The following DCC variants were observed in gnomAD, a reference collection of about 807,000 sequenced individuals.
DCC encodes the protein netrin receptor DCC.
A neutral mutation model predicts 172.5 loss-of-function variants in DCC; 58 were observed. The ratio of observed to expected loss-of-function variants is 0.34; its 90% CI spans 0.27 to 0.42. The LOEUF (loss-of-function observed/expected upper bound fraction) is 0.42, where lower values mean the gene tolerates loss of function less well. Among genes scored for constraint, DCC ranks in the 10% least tolerant of loss-of-function variants. The pLI, the probability that DCC is intolerant of heterozygous loss-of-function variation, is 1.00. For missense variants in DCC, 1,740 were observed against 1,791.0 expected (o/e 0.97, Z 0.51); for synonymous variants, 709 against 644.5 (o/e 1.10, Z -1.52).
chr18:53,430,690 G>A (rs1046644481), intron 21 of DCC, among the ~76,000 whole-genome samples: 2 of 152,032 alleles, frequency 1.3e-5, no homozygotes, highest in South Asian at 4.1e-4. Flanking sequence ...TTGCATAATA[G>A]TAATAACTTA....
Position 53,533,630 on chromosome 18 carries a change from A to C in DCC, c.*2977A>C, listed in dbSNP as rs1205394012. The C allele has an allele frequency of 6.6e-6, 1 of 152,218 alleles. No homozygotes were observed. Among genetic ancestry groups the C allele is most frequent in the Non-Finnish European group, 1.5e-5 (1 of 68,034 alleles). The allele number at this position is 152,218 out of a possible 1,614,324, so 9.4% of individuals were successfully genotyped here. The stretch of plus-strand genomic sequence containing the variant: ...TGGATGATGCTCTAGCCAAAAGTTA[A>C]ATATTTCGTAGTGAATCATAGCCAA... On this transcript the variant is annotated 3_prime_UTR_variant, in exon 29 of 29. Transcript: ENST00000442544.
chr18:53,048,742 C>A (rs892400804), intron 5 of DCC, among the ~76,000 whole-genome samples: 8 of 151,510 alleles, frequency 5.3e-5, no homozygotes, highest in African/African-American at 1.9e-4. Context: ...AACGGCAATT[C>A]TCTTTTCAGC....
intron 1 of DCC, among the ~76,000 whole-genome samples, chr18:52,487,831 A>G (rs1598857013): frequency 6.7e-6 from 1 of 150,098 alleles, no homozygotes; most frequent in East Asian, 1.9e-4. Context: ...AAAAAAAAAA[A>G]AAAAATTGGA....
intron 1 of DCC, among the ~76,000 whole-genome samples, chr18:52,485,080 T>C (rs1237859638): frequency 2.0e-5 from 3 of 152,154 alleles, no homozygotes; most frequent in Admixed American, 6.6e-5. Context: ...ACCTACATGA[T>C]GACTGCTGAT....
intron 2 of DCC, among the ~76,000 whole-genome samples, chr18:52,842,984 G>A (rs1463012255): frequency 6.6e-6 from 1 of 152,132 alleles, no homozygotes; most frequent in African/African-American, 2.4e-5. Flanking sequence ...TACTAATTTA[G>A]GTGCTTTTTA....
At chr18:52,877,852 C>T (rs1376394293) in intron 2 of DCC, among the ~76,000 whole-genome samples, 3 of 151,968 alleles carry the variant, frequency 2.0e-5, no homozygotes, top group African/African-American at 7.3e-5. Flanking sequence ...ATTTTATCTA[C>T]GTATGAATCT....
At chr18:52,589,967 A>AT (rs2033761083) in intron 1 of DCC, among the ~76,000 whole-genome samples, 1 of 152,174 alleles carries the variant, frequency 6.6e-6, no homozygotes, top group East Asian at 1.9e-4. Flanking sequence ...TCAAGTTTAC[A>AT]TTTTTGCATT....
intron 13 of DCC, among the ~76,000 whole-genome samples, chr18:53,307,654 G>C (rs546831831): frequency 1.3e-5 from 2 of 151,522 alleles, no homozygotes; most frequent in Admixed American, 1.3e-4. Flanking sequence ...CTAATGATTG[G>C]ATGTTCAATT....
At chr18:53,223,789 C>T (rs2055979356) in intron 12 of DCC, among the ~76,000 whole-genome samples, 1 of 152,116 alleles carries the variant, frequency 6.6e-6, no homozygotes, top group Non-Finnish European at 1.5e-5. Flanking sequence ...AAAATGCAAG[C>T]ACTTTATTGA....
rs1004275664 is a variant in DCC, at chr18:52,340,407, C to A, written c.-381C>A. The A allele has an allele frequency of 5.5e-5, 16 of 292,394 alleles. No homozygotes were observed. Among genetic ancestry groups the A allele is most frequent in the African/African-American group, 3.2e-4 (15 of 46,854 alleles). 18.1% of individuals were successfully genotyped at this position (292,394 alleles called of 1,614,324 possible). A position where few individuals can be genotyped will look rare whatever the true frequency, so the allele number is the denominator to read the frequency against. ...CACAGCCCGGCCACAGGATTGCCTTCCATCTCCTCTTGGTCCCTCCTGGAT... is the reference window on the plus strand; with the variant it reads ...CACAGCCCGGCCACAGGATTGCCTTACATCTCCTCTTGGTCCCTCCTGGAT... On this transcript the variant is annotated 5_prime_UTR_variant, in exon 1 of 29. Coordinates refer to ENST00000442544, the MANE Select transcript of DCC (RefSeq NM_005215.4).
At chr18:53,157,163 A>G (rs956648417) in intron 7 of DCC, among the ~76,000 whole-genome samples, 193 bp from the exon 8 acceptor site, 9 of 152,184 alleles carry the variant, frequency 5.9e-5, no homozygotes, top group African/African-American at 1.9e-4. Context: ...CATTAGCCAC[A>G]CTTTAAAACC....
intron 1 of DCC, among the ~76,000 whole-genome samples, chr18:52,468,551 T>G (rs1178821151): frequency 6.6e-6 from 1 of 152,226 alleles, no homozygotes; most frequent in African/African-American, 2.4e-5. Context: ...TTTATTTGGT[T>G]TTCTTAATGG....
chr18:52,914,713 G>A (rs1568184177), intron 3 of DCC, among the ~76,000 whole-genome samples: 3 of 152,128 alleles, frequency 2.0e-5, no homozygotes, highest in Admixed American at 6.6e-5. Flanking sequence ...AGTACCTACT[G>A]GTGTTTGAAG....
intron 3 of DCC, among the ~76,000 whole-genome samples, chr18:52,915,515 G>A (rs1378631410): frequency 6.6e-6 from 1 of 152,016 alleles, no homozygotes; most frequent in African/African-American, 2.4e-5. Context: ...TCTTTAAAAA[G>A]GAAATATTCT....
At chr18:53,483,852 G>GCA (rs764993362) in intron 25 of DCC, among the ~76,000 whole-genome samples, 2 of 151,688 alleles carry the variant, frequency 1.3e-5, no homozygotes, top group Non-Finnish European at 3.0e-5. Context: ...GGGGCTTTTT[G>GCA]TACATTAATT....
At chr18:53,480,962 G>C (rs905014308) in intron 25 of DCC, 2 of 152,274 alleles carry the variant, frequency 1.3e-5, no homozygotes, top group African/African-American at 4.8e-5. Context: ...CTTGAGCTGA[G>C]GGTCTAGTTT....
chr18:52,956,884 G>A (rs2040753294), intron 5 of DCC, among the ~76,000 whole-genome samples: 1 of 152,062 alleles, frequency 6.6e-6, no homozygotes, highest in South Asian at 2.1e-4. Flanking sequence ...AATGACCAAA[G>A]TTAGAATGGA....
chr18:53,463,892 A>T (rs1301882214), intron 24 of DCC, among the ~76,000 whole-genome samples: 2 of 152,234 alleles, frequency 1.3e-5, no homozygotes, highest in African/African-American at 4.8e-5. Context: ...AGAGAATTGA[A>T]TCAAGCAATT....
chr18:52,925,505 C>A, intron 5 of DCC, 135 bp downstream of exon 5: 2 of 876,636 alleles, frequency 2.3e-6, no homozygotes, highest in Non-Finnish European at 3.8e-6. Flanking sequence ...CCACACATGT[C>A]CTTGCTTTGC....
Sources: allele counts gnomAD v4.1 joint callset (sites outside exome capture counted in the v4.1 genomes callset), GRCh38; gene constraint gnomAD v4.1.1; transcripts MANE v1.5; gene names NCBI Gene and HGNC (gene_info 2026-07-23, HGNC 2026-07-21).